Variants in DOCK10 observed in about 807,000 individuals in gnomAD.
DOCK10 encodes dedicator of cytokinesis 10.
Under a neutral mutation model 280.1 loss-of-function variants are expected in DOCK10, and 145 were observed. That is an observed-to-expected ratio of 0.52 (90% CI 0.45 to 0.59). DOCK10 has a LOEUF of 0.59. DOCK10 is among the 20% of genes least tolerant of loss of function. DOCK10 has a pLI of 0.00. For missense variants in DOCK10, 2,368 were observed against 2,651.7 expected, an observed-to-expected ratio of 0.89 and a Z score of 2.35; for synonymous variants, 915 against 942.2, an observed-to-expected ratio of 0.97 and a Z score of 0.53.
intron 33 of DOCK10, among the ~76,000 whole-genome samples, chr2:224,806,807 G>T (rs911230276): frequency 4.6e-5 from 7 of 152,032 alleles, no homozygotes; most frequent in Admixed American, 1.3e-4. Flanking sequence ...GTGGGGTCTT[G>T]CTATGTTGCC....
rs1692679506 is a variant in DOCK10, at chr2:224,797,685, C to T, written c.4644+147G>A. On this transcript the variant is annotated intron_variant, in intron 42 of 55. Coordinates refer to ENST00000258390, the MANE Select transcript of DOCK10 (RefSeq NM_014689.3). The stretch of plus-strand genomic sequence containing the variant: ...CAAGGCTGTGCACTCATTTTGAGAC[C>T]AGGAATCAATGTCTAATAAAACCCA... 5.8e-6 allele frequency: 5 copies of T among 861,700 alleles called. No homozygotes were observed. In the Admixed American group the frequency reaches 1.0e-4, roughly 18 times the overall value. The allele number at this position is 861,700 out of a possible 1,614,324, so 53.4% of individuals were successfully genotyped here. A position where few individuals can be genotyped will look rare whatever the true frequency, so the allele number is the denominator to read the frequency against.
chr2:225,005,642 A>G (rs575630908), intron 1 of DOCK10, among the ~76,000 whole-genome samples: 3 of 152,252 alleles, frequency 2.0e-5, no homozygotes, highest in Non-Finnish European at 2.9e-5. Context: ...ATACAAGGAC[A>G]AAATTAAATA....
intron 1 of DOCK10, among the ~76,000 whole-genome samples, chr2:224,941,406 G>A (rs188867279): frequency 6.6e-5 from 10 of 152,238 alleles, no homozygotes; most frequent in African/African-American, 1.9e-4. Flanking sequence ...GGAGGATTCT[G>A]GAATAGAGCT....
intron 2 of DOCK10, 89 bp downstream of exon 2, chr2:224,931,460 G>A: frequency 7.0e-7 from 1 of 1,432,404 alleles, no homozygotes; most frequent in Non-Finnish European, 9.4e-7. Flanking sequence ...CCACAGGGAG[G>A]CCTGGACTCT....
rs1327504890 is a variant in DOCK10, at chr2:224,778,284, C to T, written c.5656G>A (p.Gly1886Ser). Residue 1886 changes from glycine (G) to serine (S), a missense_variant and splice_region_variant, in exon 51 of 56, where the codon GGC becomes AGC. Coordinates refer to ENST00000258390, the MANE Select transcript of DOCK10 (RefSeq NM_014689.3). ...TTACCTTCTTCTTCTTCAAAAAAGC[C>T]CTATGGAACATAATGAACCACCAAT... ...RYYRVAFYGQ[G>S]FFEEEEGKEY... 8 of 1,599,300 alleles carry T rather than the reference C, an allele frequency of 5.0e-6. No homozygotes were observed. The African/African-American group carries it at 1.1e-4, about 21-fold the overall frequency.
intron 1 of DOCK10, among the ~76,000 whole-genome samples, chr2:224,987,096 G>A (rs113863328): frequency 2.9e-4 from 44 of 152,220 alleles, no homozygotes; most frequent in African/African-American, 8.9e-4. Context: ...AAGGTGGTGC[G>A]TGGAGTACAT....
intron 41 of DOCK10, among the ~76,000 whole-genome samples, chr2:224,799,116 G>A (rs937007342): frequency 7.2e-5 from 11 of 152,234 alleles, no homozygotes; most frequent in East Asian, 5.8e-4. Flanking sequence ...GATAATGAAC[G>A]TATCTATCAC....
intron 9 of DOCK10, 119 bp downstream of exon 9, chr2:224,874,547 A>G (rs1698506343): frequency 9.5e-7 from 1 of 1,049,422 alleles, no homozygotes; most frequent in East Asian, 2.4e-5. Flanking sequence ...GTTAACGGGA[A>G]GTTCCAAATT....
At chr2:224,817,981 T>C (rs187071900) in intron 29 of DOCK10, among the ~76,000 whole-genome samples, 13 of 152,344 alleles carry the variant, frequency 8.5e-5, no homozygotes, top group Non-Finnish European at 1.5e-4. Context: ...GAATTATTAA[T>C]TCATATGCCC....
At chr2:224,888,617 GTGTGAATATATGTGTGTATATATTTA>G (rs1699462965) in intron 4 of DOCK10, among the ~76,000 whole-genome samples, 1 of 151,866 alleles carries the variant, frequency 6.6e-6, no homozygotes, top group Non-Finnish European at 1.5e-5. Flanking sequence ...ATGTATATGT[GTGTGAATATATGTGTGTATATATTTA>G]TGTGAATATA....
intron 47 of DOCK10, among the ~76,000 whole-genome samples, chr2:224,790,027 C>T (rs1481263572): frequency 1.3e-5 from 2 of 152,126 alleles, no homozygotes; most frequent in South Asian, 2.1e-4. Context: ...GTGATCTGCC[C>T]GCCTCAGCCT....
chr2:224,975,311 G>C (rs1705368046), intron 1 of DOCK10, among the ~76,000 whole-genome samples: 1 of 152,060 alleles, frequency 6.6e-6, no homozygotes, highest in East Asian at 1.9e-4. Flanking sequence ...GTTCACAAGG[G>C]AAAATACCTC....
intron 19 of DOCK10, among the ~76,000 whole-genome samples, chr2:224,846,093 A>C (rs904270042): frequency 6.6e-6 from 1 of 152,206 alleles, no homozygotes; most frequent in African/African-American, 2.4e-5. Context: ...ATGCTCAATA[A>C]ATATTGTTTC....
At chr2:224,777,570 C>A (rs1371324896) in intron 51 of DOCK10, among the ~76,000 whole-genome samples, 1 of 152,150 alleles carries the variant, frequency 6.6e-6, no homozygotes, top group African/African-American at 2.4e-5. Flanking sequence ...CTGCCAGGGG[C>A]TCTTGGGCCT....
chr2:224,995,569 C>T (rs1244486808), intron 1 of DOCK10, among the ~76,000 whole-genome samples: 4 of 152,170 alleles, frequency 2.6e-5, no homozygotes, highest in Admixed American at 6.5e-5. Flanking sequence ...AAGGATGTTG[C>T]GTAGCATAGG....
At chr2:224,873,458 C>T (rs1246524100) in intron 11 of DOCK10, among the ~76,000 whole-genome samples, 2 of 151,854 alleles carry the variant, frequency 1.3e-5, no homozygotes, top group African/African-American at 4.8e-5. Context: ...TGGTGCGTGC[C>T]TGTAGTCCAT....
At chr2:224,857,109 A>C in intron 14 of DOCK10, 127 bp from the exon 15 acceptor site, 1 of 778,078 alleles carries the variant, frequency 1.3e-6, no homozygotes, top group Non-Finnish European at 1.8e-6. Flanking sequence ...TAAAATAAAA[A>C]GACCAAAAAC....
chr2:224,840,256 T>C (rs897585216), intron 23 of DOCK10, 184 bp from the exon 24 acceptor site: 11 of 488,010 alleles, frequency 2.3e-5, no homozygotes, highest in African/African-American at 1.7e-4. Flanking sequence ...AACAGACAAA[T>C]GGCATATCAA....
intron 1 of DOCK10, among the ~76,000 whole-genome samples, chr2:224,934,302 T>C (rs1702560161): frequency 6.6e-6 from 1 of 152,204 alleles, no homozygotes; most frequent in African/African-American, 2.4e-5. Flanking sequence ...TATTTTGACA[T>C]GGAACTGCAA....
Sources: gnomAD v4.1 joint callset for allele counts (sites outside exome capture counted in the v4.1 genomes callset) on GRCh38, gnomAD v4.1.1 for gene constraint, MANE v1.5 for transcripts, NCBI Gene and HGNC (gene_info 2026-07-23, HGNC 2026-07-21) for gene names.